Variants in RBM41 observed in about 807,000 individuals in gnomAD.
RBM41 encodes the protein RNA binding motif protein 41.
RBM41 carries 14 observed loss-of-function variants against 30.8 expected under a neutral mutation model. The observed-to-expected ratio is 0.45, with a 90% CI of 0.30 to 0.71. RBM41 has a LOEUF of 0.71. Among genes scored for constraint, RBM41 ranks in the 30% least tolerant of loss-of-function variants. RBM41 has a pLI of 0.08. For missense variants in RBM41, 276 were observed against 326.3 expected, an observed-to-expected ratio of 0.85 and a Z score of 1.19; for synonymous variants, 120 against 110.1, an observed-to-expected ratio of 1.09 and a Z score of -0.56.
intron 5 of RBM41, among the ~76,000 whole-genome samples, chrX:107,091,183 C>G (rs1187317023): frequency 8.9e-6 from 1 of 111,893 alleles, no homozygotes; most frequent in East Asian, 2.8e-4. Flanking sequence ...TTTACTTAAA[C>G]TCCTTTATTT....
chrX:107,106,042 T>A (rs1209871738), intron 5 of RBM41, among the ~76,000 whole-genome samples: 3 of 111,673 alleles, frequency 2.7e-5, no homozygotes, highest in Non-Finnish European at 3.8e-5. Context: ...CTAAAGAGCT[T>A]CTGTACAGCG....
At chrX:107,069,785 T>C (rs776781936) in intron 6 of RBM41, 2 of 123,399 alleles carry the variant, frequency 1.6e-5, no homozygotes, top group African/African-American at 6.5e-5. Flanking sequence ...TGATTAGAAT[T>C]AGTTTCACAT....
chrX:107,093,129 C>T (rs1368187038), intron 5 of RBM41, among the ~76,000 whole-genome samples: 1 of 111,204 alleles, frequency 9.0e-6, no homozygotes, highest in Non-Finnish European at 1.9e-5. Flanking sequence ...AAGGATTCCT[C>T]CCTTTGTAGA....
In RBM41 at chrX:107,088,488, T is replaced by G; in HGVS notation, c.947A>C (p.Glu316Ala). 3.3e-6 allele frequency: 4 copies of G among 1,211,942 alleles called. No homozygotes were observed. The highest frequency in any genetic ancestry group is 4.5e-6 in the Non-Finnish European group (4 of 895,401). The change falls in exon 6 of 8, where the codon GAG becomes GCG. Residue 316 changes from glutamate (E) to alanine (A), a missense_variant. Coordinates refer to ENST00000685964, the MANE Select transcript of RBM41 (RefSeq NM_001324242.2). Reference protein sequence around the residue: ...EIQRNRLSEEEIRKIPMFSSY... With the variant: ...EIQRNRLSEEAIRKIPMFSSY... Reference sequence around the variant, plus strand: ...AGAAAACATAGGAATTTTTCGGATCTCTTCCTCTGACAAACGATTTCTCTG... The same window carrying G: ...AGAAAACATAGGAATTTTTCGGATCGCTTCCTCTGACAAACGATTTCTCTG...
chrX:107,076,316 C>CAAA lies in RBM41; in HGVS notation c.1000-6917_1000-6915dup, dbSNP rs760668927. Among the ~76,000 whole-genome samples the CAAA allele has an allele frequency of 2.8e-4, 26 of 92,764 alleles. No homozygotes were observed. The South Asian group carries it at 0.013, about 47-fold the overall frequency. The allele number at this position is 92,764 out of a possible 115,157, so 80.6% of individuals were successfully genotyped here. On this transcript the variant is annotated intron_variant, in intron 6 of 7. Transcript: ENST00000685964. ...CAGACGACAGTGCCAGACTCCGTCT[C>CAAA]AAATAAATAAATAAATAAATAAATA...
the RBM41 span, among the ~76,000 whole-genome samples, chrX:107,056,570 T>C: frequency 8.9e-6 from 1 of 111,977 alleles, no homozygotes; most frequent in Admixed American, 9.5e-5. Context: ...GTTATAAGTC[T>C]ATTCAGATTT....
At chrX:107,113,556 T>C (rs1924668481) in intron 4 of RBM41, 88 bp from the exon 5 acceptor site, 1 of 943,779 alleles carries the variant, frequency 1.1e-6, no homozygotes, top group Non-Finnish European at 1.4e-6. Flanking sequence ...TACCAGGTAC[T>C]GCTTTAAGTG....
intron 5 of RBM41, among the ~76,000 whole-genome samples, chrX:107,112,445 G>C (rs1454705546): frequency 1.8e-5 from 2 of 111,332 alleles, no homozygotes; most frequent in Non-Finnish European, 3.8e-5. Flanking sequence ...AATGCAAAAT[G>C]GTACAGCCAC....
chrX:107,067,212 A>C lies in RBM41; in HGVS notation c.*315T>G. On this transcript the variant is annotated 3_prime_UTR_variant, in exon 8 of 8. Transcript: ENST00000685964. ...GAAAGAATGTTATCTCTAGAGACAA[A>C]TATTGAGGACCCCAGAAAAATTATA... 1.3e-6 allele frequency: 1 copy of C among 787,969 alleles called. No homozygotes were observed. Among genetic ancestry groups the C allele is most frequent in the Non-Finnish European group, 1.5e-6 (1 of 659,876 alleles). The allele number at this position is 787,969 out of a possible 1,213,427, so 64.9% of individuals were successfully genotyped here. A position where few individuals can be genotyped will look rare whatever the true frequency, so the allele number is the denominator to read the frequency against.
chrX:107,067,028 C>T lies in RBM41; in HGVS notation c.*499G>A. The T allele has an allele frequency of 1.3e-6, 1 of 750,068 alleles. No individual in the cohort carries two copies. Among genetic ancestry groups the T allele is most frequent in the Non-Finnish European group, 1.6e-6 (1 of 635,569 alleles). 61.8% of individuals were successfully genotyped at this position (750,068 alleles called of 1,213,427 possible). ...TGACTTATGAAACTACCTACTATTA[C>T]TGCTGATAGTTCTGACTTAATAGCA... is the stretch of plus-strand genomic sequence containing the variant. On this transcript the variant is annotated 3_prime_UTR_variant, in exon 8 of 8. Transcript: ENST00000685964.
chrX:107,090,040 C>T (rs1023251431), intron 5 of RBM41, among the ~76,000 whole-genome samples: 2 of 112,007 alleles, frequency 1.8e-5, no homozygotes, highest in African/African-American at 6.5e-5. Flanking sequence ...GATTCTTTGC[C>T]ATTATTTACC....
chrX:107,086,943 ATGAT>A (rs1922087245), intron 6 of RBM41, among the ~76,000 whole-genome samples: 1 of 112,177 alleles, frequency 8.9e-6, no homozygotes, highest in Non-Finnish European at 1.9e-5. Context: ...AGGTTGTAGA[ATGAT>A]AGAGTATGTC....
intron 6 of RBM41, among the ~76,000 whole-genome samples, chrX:107,080,710 T>C (rs773650113): frequency 1.8e-5 from 2 of 112,687 alleles, no homozygotes; most frequent in Non-Finnish European, 3.7e-5. Context: ...AGTTTTATTG[T>C]GGACTTTAGC....
At chrX:107,052,709 CAAACTT>C in the RBM41 span, among the ~76,000 whole-genome samples, 1 of 111,351 alleles carries the variant, frequency 9.0e-6, no homozygotes, top group Non-Finnish European at 1.9e-5. Context: ...CTGGAAGAGA[CAAACTT>C]AACAAGGAGG....
downstream of RBM41, among the ~76,000 whole-genome samples, chrX:107,057,276 G>A (rs753843686): frequency 9.7e-4 from 108 of 110,969 alleles, no homozygotes; most frequent in African/African-American, 3.3e-3. Context: ...ATCTGAGATC[G>A]TTCTTTATTT....
the RBM41 span, among the ~76,000 whole-genome samples, chrX:107,054,088 G>C: frequency 9.0e-6 from 1 of 110,566 alleles, no homozygotes; most frequent in East Asian, 2.8e-4. Context: ...GAGAGCGAAA[G>C]GGGGTAAGAG....
At chrX:107,110,725 G>A (rs943418461) in intron 5 of RBM41, among the ~76,000 whole-genome samples, 1 of 111,373 alleles carries the variant, frequency 9.0e-6, no homozygotes, top group African/African-American at 3.3e-5. Flanking sequence ...AAACAGTGTG[G>A]TACTGGCATA....
chrX:107,105,764 G>T (rs1177775834), intron 5 of RBM41, among the ~76,000 whole-genome samples: 1 of 111,615 alleles, frequency 9.0e-6, no homozygotes, highest in Non-Finnish European at 1.9e-5. Context: ...ACAAGGAATG[G>T]GGAAACGATT....
intron 7 of RBM41, 107 bp downstream of exon 7, chrX:107,069,148 C>T: frequency 1.3e-6 from 1 of 744,255 alleles, no homozygotes; most frequent in South Asian, 3.3e-5. Context: ...GTCTTGTTCT[C>T]ACATGCTGTG....
Sources: gnomAD v4.1 joint callset for allele counts (sites outside exome capture counted in the v4.1 genomes callset) on GRCh38, gnomAD v4.1.1 for gene constraint, MANE v1.5 for transcripts, NCBI Gene and HGNC (gene_info 2026-07-23, HGNC 2026-07-21) for gene names.